The following SEMA6D variants were observed in gnomAD, a reference collection of about 807,000 sequenced individuals.
The protein encoded by SEMA6D is semaphorin-6D.
Under a neutral mutation model 106.6 loss-of-function variants are expected in SEMA6D, and 35 were observed. The observed-to-expected ratio is 0.33, with a 90% CI of 0.25 to 0.44. The LOEUF (loss-of-function observed/expected upper bound fraction) is 0.44. Ranked by LOEUF, SEMA6D falls within the 20% of genes least tolerant of loss-of-function variation. SEMA6D has a pLI of 1.00. For synonymous variants in SEMA6D, 499 were observed against 487.7 expected (o/e 1.02, Z -0.31); for missense variants, 1,185 against 1,345.9 (o/e 0.88, Z 1.87).
chr15:47,575,951 G>A (rs905350188), intron 3 of SEMA6D, among the ~76,000 whole-genome samples: 3 of 152,138 alleles, frequency 2.0e-5, no homozygotes, highest in Non-Finnish European at 2.9e-5. Context: ...CAGTCTTACT[G>A]GTTTGGCTGG....
chr15:47,627,333 G>A (rs1006962393), intron 4 of SEMA6D, among the ~76,000 whole-genome samples: 3 of 152,150 alleles, frequency 2.0e-5, no homozygotes, highest in African/African-American at 4.8e-5. Context: ...GTATTTAAAT[G>A]TGCCCAATAA....
chr15:47,200,720 C>T (rs994737203), intron 1 of SEMA6D, among the ~76,000 whole-genome samples: 1 of 152,142 alleles, frequency 6.6e-6, no homozygotes, highest in African/African-American at 2.4e-5. Flanking sequence ...GGTTGAGTTA[C>T]AACTGCAGGG....
At chr15:47,311,329 T>G (rs747702736) in intron 1 of SEMA6D, among the ~76,000 whole-genome samples, 25 of 152,098 alleles carry the variant, frequency 1.6e-4, no homozygotes, top group Non-Finnish European at 3.1e-4. Flanking sequence ...GATTCAGGAG[T>G]TATTAATGTA....
intron 2 of SEMA6D, among the ~76,000 whole-genome samples, chr15:47,415,561 C>G (rs1297331722): frequency 6.6e-6 from 1 of 152,112 alleles, no homozygotes; most frequent in African/African-American, 2.4e-5. Context: ...TCAGAAAGTC[C>G]TTTGATTGTT....
chr15:47,429,637 T>TG (rs1435839999), intron 2 of SEMA6D, among the ~76,000 whole-genome samples: 1 of 152,130 alleles, frequency 6.6e-6, no homozygotes, highest in Non-Finnish European at 1.5e-5. Context: ...AGGAATGCAG[T>TG]GGGGCAGATG....
chr15:47,467,631 G>A (rs1003776640), intron 2 of SEMA6D, among the ~76,000 whole-genome samples: 1 of 152,136 alleles, frequency 6.6e-6, no homozygotes, highest in East Asian at 1.9e-4. Context: ...TGACTTAGGT[G>A]CTTGCGAAAT....
chr15:47,325,260 A>G (rs372704178), intron 1 of SEMA6D, among the ~76,000 whole-genome samples: 36 of 150,804 alleles, frequency 2.4e-4, no homozygotes, highest in African/African-American at 8.5e-4. Flanking sequence ...TGCAACCTCC[A>G]CCTCCCGGGT....
intron 3 of SEMA6D, among the ~76,000 whole-genome samples, chr15:47,495,835 A>G (rs73388967): frequency 0.018 from 2,787 of 152,198 alleles, 70 homozygotes; most frequent in African/African-American, 0.065. Flanking sequence ...CCCAATTCTC[A>G]TAAATTTCCA....
chr15:47,185,761 T>G (rs1893524309), intron 1 of SEMA6D: 1 of 152,132 alleles, frequency 6.6e-6, no homozygotes, highest in South Asian at 2.1e-4. Context: ...ATACAGTTCC[T>G]TTCGTTGGAT....
intron 1 of SEMA6D, among the ~76,000 whole-genome samples, chr15:47,758,279 A>T (rs1371483885): frequency 6.6e-6 from 1 of 152,198 alleles, no homozygotes; most frequent in Non-Finnish European, 1.5e-5. Flanking sequence ...CTTCACCTGA[A>T]GTCCATAAAA....
At chr15:47,542,694 G>A (rs2045394442) in intron 3 of SEMA6D, among the ~76,000 whole-genome samples, 1 of 151,902 alleles carries the variant, frequency 6.6e-6, no homozygotes, top group African/African-American at 2.4e-5. Context: ...TCAATAACTT[G>A]TTTCCGCTAG....
intron 1 of SEMA6D, among the ~76,000 whole-genome samples, chr15:47,236,023 GT>G (rs1185867843): frequency 6.6e-6 from 1 of 152,054 alleles, no homozygotes; most frequent in African/African-American, 2.4e-5. Context: ...TAGGACTAGG[GT>G]AAATCAAAAC....
At chr15:47,444,053 C>T (rs951424270) in intron 2 of SEMA6D, among the ~76,000 whole-genome samples, 5 of 152,122 alleles carry the variant, frequency 3.3e-5, no homozygotes, top group African/African-American at 1.2e-4. Context: ...AGTAAGCCAC[C>T]TGGCTAAAAT....
At chr15:47,427,894 TACTC>T (rs2041393504) in intron 2 of SEMA6D, among the ~76,000 whole-genome samples, 2 of 152,140 alleles carry the variant, frequency 1.3e-5, no homozygotes, top group Non-Finnish European at 2.9e-5. Flanking sequence ...AAAGTTCTCT[TACTC>T]TCTCTTTCTC....
intron 4 of SEMA6D, among the ~76,000 whole-genome samples, chr15:47,679,359 T>C (rs550762086): frequency 9.2e-5 from 14 of 152,348 alleles, no homozygotes; most frequent in South Asian, 8.3e-4. Context: ...TGATAATTAC[T>C]CTGAAATCCA....
At chr15:47,736,746 A>G (rs557643860) in intron 1 of SEMA6D, among the ~76,000 whole-genome samples, 4 of 152,310 alleles carry the variant, frequency 2.6e-5, no homozygotes, top group Non-Finnish European at 4.4e-5. Context: ...CTTAAATACC[A>G]GTATTTGAAC....
At chr15:47,268,715 C>G (rs574384508) in intron 1 of SEMA6D, among the ~76,000 whole-genome samples, 22 of 152,228 alleles carry the variant, frequency 1.4e-4, no homozygotes, top group Non-Finnish European at 3.1e-4. Context: ...ACCTGCTTCT[C>G]CTTTAGTGAA....
chr15:47,684,869 A>C (rs1002983742), intron 4 of SEMA6D, among the ~76,000 whole-genome samples: 1 of 152,238 alleles, frequency 6.6e-6, no homozygotes, highest in Non-Finnish European at 1.5e-5. Flanking sequence ...ACTGATTTGG[A>C]AATATTCACT....
At position 47,326,883 on chromosome 15, in the gene SEMA6D, C is replaced by A. The variant is rs528317310; in HGVS notation, c.-238-85510C>A. Among the ~76,000 whole-genome samples, 3 of 152,250 alleles carry A rather than the reference C, an allele frequency of 2.0e-5. No homozygotes were observed. The South Asian group carries it at 6.2e-4, about 32-fold the overall frequency. ...CAGTTAGTAGGTCACTGGTGACTCCCTGGAAAATTCTAAATACATAGCTCA... is the reference window on the plus strand; with the variant it reads ...CAGTTAGTAGGTCACTGGTGACTCCATGGAAAATTCTAAATACATAGCTCA... On this transcript the variant is annotated intron_variant, in intron 1 of 19. Transcript: ENST00000558014.
Sources: allele counts gnomAD v4.1 joint callset (sites outside exome capture counted in the v4.1 genomes callset), GRCh38; gene constraint gnomAD v4.1.1; transcripts MANE v1.5; gene names NCBI Gene and HGNC (gene_info 2026-07-23, HGNC 2026-07-21).